Variants in KCNA6 observed in about 807,000 individuals in gnomAD.
The protein encoded by KCNA6 is human brain potassium channel-2.
A neutral mutation model predicts 29.5 loss-of-function variants in KCNA6; 17 were observed. The observed-to-expected ratio is 0.58, with a 90% CI of 0.39 to 0.86. The LOEUF (loss-of-function observed/expected upper bound fraction) is 0.86, where lower values mean the gene tolerates loss of function less well. Among genes scored for constraint, KCNA6 ranks in the 40% least tolerant of loss-of-function variants. KCNA6 has a pLI of 0.00. For missense variants in KCNA6, 450 were observed against 703.4 expected, an observed-to-expected ratio of 0.64 and a Z score of 4.07; for synonymous variants, 296 against 304.7, an observed-to-expected ratio of 0.97 and a Z score of 0.30.
In KCNA6 at chr12:4,811,685, C is replaced by T; in HGVS notation, c.*54C>T. 1.9e-6 allele frequency: 3 copies of T among 1,553,154 alleles called. No homozygotes were observed. Among genetic ancestry groups the T allele is most frequent in the Non-Finnish European group, 2.6e-6 (3 of 1,147,960 alleles). ...AGCACTGAGCTAACAGTCTCTTAGG[C>T]TTCCTTCTCATTTCCACTACTCACT... is the stretch of plus-strand genomic sequence containing the variant. On this transcript the variant is annotated 3_prime_UTR_variant, in exon 1 of 1. Coordinates refer to ENST00000280684, the Ensembl canonical transcript of KCNA6. This position sits in a 1 kb window ranked among gnomAD's most constrained non-coding sequence, Gnocchi z 7.1.
the KCNA6 span, among the ~76,000 whole-genome samples, chr12:4,844,494 AG>A: frequency 6.6e-6 from 1 of 152,170 alleles, no homozygotes; most frequent in Admixed American, 6.5e-5. The surrounding 1 kb of genome is among the most constrained non-coding windows in gnomAD (Gnocchi z 4.0). Context: ...TGTGGATATT[AG>A]GGGAAGGACA....
At chr12:4,845,590 G>A in the KCNA6 span, among the ~76,000 whole-genome samples, 3 of 152,130 alleles carry the variant, frequency 2.0e-5, no homozygotes, top group Non-Finnish European at 4.4e-5. Flanking sequence ...GGAGTAATTT[G>A]TGCAATGTTT....
the KCNA6 span, among the ~76,000 whole-genome samples, chr12:4,821,715 G>C: frequency 2.6e-5 from 4 of 152,198 alleles, no homozygotes; most frequent in African/African-American, 9.7e-5. Context: ...GATCCTGCAT[G>C]TTTGCTTTCC....
the KCNA6 span, among the ~76,000 whole-genome samples, chr12:4,848,740 G>A: frequency 1.3e-5 from 2 of 152,002 alleles, no homozygotes; most frequent in African/African-American, 4.8e-5. Flanking sequence ...CTCCATGTTG[G>A]TCGAGTTGAT....
Position 4,810,764 on chromosome 12 carries a change from G to C in KCNA6, c.723G>C (p.Gly241=). ...CATTTCATCATGGCATCACCCCTGG[G>C]GAAATGGGGACCGGGGGCTCCTCCT... The change falls in exon 1 of 1, where the codon GGG becomes GGC. Residue 241 remains glycine, a synonymous_variant. Coordinates refer to ENST00000280684, the Ensembl canonical transcript of KCNA6. The surrounding 1 kb of genome is among the most constrained non-coding windows in gnomAD (Gnocchi z 7.5). 1 of 1,601,180 alleles carries C rather than the reference G, an allele frequency of 6.2e-7. No individual in the cohort carries two copies. The highest frequency in any genetic ancestry group is 8.5e-7 in the Non-Finnish European group (1 of 1,173,896).
chr12:4,833,319 A>G, the KCNA6 span, among the ~76,000 whole-genome samples: 1 of 152,152 alleles, frequency 6.6e-6, no homozygotes, highest in African/African-American at 2.4e-5. Flanking sequence ...ATCTGTGGTC[A>G]TCTCTAGGTT....
At chr12:4,850,351 G>A in the KCNA6 span, among the ~76,000 whole-genome samples, 1 of 152,278 alleles carries the variant, frequency 6.6e-6, no homozygotes, top group Admixed American at 6.5e-5. This position sits in a 1 kb window ranked among gnomAD's most constrained non-coding sequence, Gnocchi z 5.4. Context: ...AGCAGTGAGA[G>A]CAGCTGGATA....
the KCNA6 span, among the ~76,000 whole-genome samples, chr12:4,848,315 T>C: frequency 3.0e-4 from 45 of 152,278 alleles, no homozygotes; most frequent in East Asian, 7.3e-3. Context: ...TGTATCTCAC[T>C]GACATCAGCA....
chr12:4,813,234 G>A (rs1304229439), exon 1 of KCNA6: 1 of 166,802 alleles, frequency 6.0e-6, no homozygotes, highest in African/African-American at 2.4e-5. Context: ...TCTAAATCTC[G>A]ATCTTGCCAT....
Position 4,810,236 on chromosome 12 carries a change from G to C in KCNA6, c.195G>C (p.Thr65=), listed in dbSNP as rs1273406270. ...GCACCCTGTCGCTGTTTCCGGACAC[G>C]CTGCTCGGAGACCCTGGCCGGCGAG... The change falls in exon 1 of 1, where the codon ACG becomes ACC. Residue 65 remains threonine (T), a synonymous_variant. Coordinates refer to ENST00000280684, the Ensembl canonical transcript of KCNA6. The surrounding 1 kb of genome is among the most constrained non-coding windows in gnomAD (Gnocchi z 7.5). 1.2e-6 allele frequency: 2 copies of C among 1,613,820 alleles called. No individual in the cohort carries two copies. The highest frequency in any genetic ancestry group is 1.7e-6 in the Non-Finnish European group (2 of 1,180,016).
chr12:4,820,014 G>A, the KCNA6 span, among the ~76,000 whole-genome samples: 3 of 152,170 alleles, frequency 2.0e-5, no homozygotes, highest in Non-Finnish European at 2.9e-5. Context: ...ACACCCATCC[G>A]AGAGTGGGGC....
the KCNA6 span, among the ~76,000 whole-genome samples, chr12:4,826,492 A>G: frequency 6.6e-6 from 1 of 152,248 alleles, no homozygotes; most frequent in African/African-American, 2.4e-5. Context: ...TAAAGCCACT[A>G]AAAGTCAGAA....
the KCNA6 span, among the ~76,000 whole-genome samples, chr12:4,824,414 C>A: frequency 6.6e-6 from 1 of 152,122 alleles, no homozygotes; most frequent in Non-Finnish European, 1.5e-5. Context: ...GGTATTAAAT[C>A]ATCAAATACT....
the KCNA6 span, among the ~76,000 whole-genome samples, chr12:4,842,012 C>CGTGT: frequency 0.089 from 11,164 of 124,838 alleles, 686 homozygotes; most frequent in Non-Finnish European, 0.11. Flanking sequence ...ATGGAGCTTA[C>CGTGT]GTGTGTGTGT....
the KCNA6 span, among the ~76,000 whole-genome samples, chr12:4,830,077 T>TC: frequency 6.6e-6 from 1 of 152,134 alleles, no homozygotes; most frequent in African/African-American, 2.4e-5. Context: ...GGCTCTTTCT[T>TC]CCCCTTCTCA....
chr12:4,843,539 A>C, the KCNA6 span, among the ~76,000 whole-genome samples: 1 of 152,266 alleles, frequency 6.6e-6, no homozygotes, highest in African/African-American at 2.4e-5. Context: ...GCGAAACAAT[A>C]GTTACGTTAG....
At chr12:4,822,130 C>T in the KCNA6 span, among the ~76,000 whole-genome samples, 62 of 152,250 alleles carry the variant, frequency 4.1e-4, no homozygotes, top group African/African-American at 1.2e-3. Context: ...CCACCGCGCC[C>T]GGCCCGTCTG....
At chr12:4,836,634 C>T in the KCNA6 span, among the ~76,000 whole-genome samples, 3 of 151,998 alleles carry the variant, frequency 2.0e-5, no homozygotes, top group African/African-American at 7.3e-5. Context: ...CTCAAGATTG[C>T]GAAGAGTCAT....
At chr12:4,836,025 C>T in the KCNA6 span, among the ~76,000 whole-genome samples, 1 of 151,664 alleles carries the variant, frequency 6.6e-6, no homozygotes, top group Non-Finnish European at 1.5e-5. Flanking sequence ...CTGCAACCTC[C>T]ACCTCCTGGG....
Sources: gnomAD v4.1 joint callset for allele counts (sites outside exome capture counted in the v4.1 genomes callset) on GRCh38, gnomAD v4.1.1 for gene constraint, Gnocchi (gnomAD v3.1) non-coding constraint, MANE v1.5 for transcripts, NCBI Gene and HGNC (gene_info 2026-07-23, HGNC 2026-07-21) for gene names.